The following EPHB1 variants were observed in gnomAD, a reference collection of about 807,000 sequenced individuals.
EPHB1 encodes ephrin type-B receptor 1.
In EPHB1, 30 loss-of-function variants were observed where a neutral mutation model predicts 94.4. The observed-to-expected ratio is 0.32, with a 90% CI of 0.24 to 0.43. The LOEUF (loss-of-function observed/expected upper bound fraction) is 0.43, where lower values mean the gene tolerates loss of function less well. EPHB1 is among the 20% of genes least tolerant of loss of function. The probability of loss-of-function intolerance (pLI) is 1.00; values close to 1 mark genes in which losing one functional copy is unlikely to be tolerated. For synonymous variants in EPHB1, 522 were observed against 489.1 expected, an observed-to-expected ratio of 1.07 and a Z score of -0.89; for missense variants, 1,055 against 1,308.3, an observed-to-expected ratio of 0.81 and a Z score of 2.99.
chr3:135,190,668 GA>G (rs1266731494), intron 10 of EPHB1, among the ~76,000 whole-genome samples: 3 of 152,138 alleles, frequency 2.0e-5, no homozygotes, highest in Non-Finnish European at 4.4e-5. Context: ...TTTGTCTATA[GA>G]AGATGATGCT....
intron 1 of EPHB1, among the ~76,000 whole-genome samples, chr3:134,804,949 T>A (rs891674364): frequency 6.6e-6 from 1 of 152,252 alleles, no homozygotes; most frequent in African/African-American, 2.4e-5. Flanking sequence ...GGTGGCTTCA[T>A]TGACGGTGGC....
intron 2 of EPHB1, among the ~76,000 whole-genome samples, chr3:134,950,105 G>A (rs1181605469): frequency 1.3e-5 from 2 of 152,182 alleles, no homozygotes; most frequent in Admixed American, 6.5e-5. Context: ...CTTTTCATCT[G>A]TAAATTGGGG....
intron 3 of EPHB1, among the ~76,000 whole-genome samples, chr3:134,990,386 C>CT (rs1934754050): frequency 6.6e-6 from 1 of 152,068 alleles, no homozygotes; most frequent in Non-Finnish European, 1.5e-5. Flanking sequence ...CTCTGAATAT[C>CT]TTTTTTGTTT....
chr3:134,834,868 C>T (rs752501169), intron 1 of EPHB1, among the ~76,000 whole-genome samples: 79 of 152,168 alleles, frequency 5.2e-4, no homozygotes, highest in Non-Finnish European at 9.1e-4. Context: ...AGTGTCAGAC[C>T]TTGACAGAGA....
intron 3 of EPHB1, among the ~76,000 whole-genome samples, chr3:135,060,986 T>A (rs953886159): frequency 3.9e-5 from 6 of 152,116 alleles, no homozygotes; most frequent in Non-Finnish European, 8.8e-5. Flanking sequence ...TTCTACTCTC[T>A]TTGTCCATGA....
intron 1 of EPHB1, 109 bp from the exon 2 acceptor site, chr3:134,925,707 A>G (rs530760221): frequency 6.9e-5 from 59 of 861,024 alleles, no homozygotes; most frequent in Non-Finnish European, 9.4e-5. Context: ...ACCTCCTTGT[A>G]GTACTGTCAT....
At chr3:135,245,696 C>T (rs1039289713) in intron 13 of EPHB1, among the ~76,000 whole-genome samples, 5 of 150,484 alleles carry the variant, frequency 3.3e-5, no homozygotes, top group African/African-American at 1.2e-4. Context: ...GTCCCAGCTA[C>T]TCGGGAGGCT....
At chr3:135,159,934 C>T (rs1247174492) in intron 6 of EPHB1, among the ~76,000 whole-genome samples, 1 of 152,234 alleles carries the variant, frequency 6.6e-6, no homozygotes, top group African/African-American at 2.4e-5. Flanking sequence ...TCACTCTCCA[C>T]ATTCATCCAT....
At chr3:135,167,077 C>G (rs1227973101) in intron 9 of EPHB1, 71 bp downstream of exon 9, 1 of 1,560,152 alleles carries the variant, frequency 6.4e-7, no homozygotes, top group African/African-American at 1.4e-5. Flanking sequence ...GTGCTCAGAG[C>G]TCTCTTTATA....
At chr3:134,865,109 A>AGT (rs1270352108) in intron 1 of EPHB1, among the ~76,000 whole-genome samples, 3 of 151,772 alleles carry the variant, frequency 2.0e-5, no homozygotes, top group South Asian at 2.1e-4. Flanking sequence ...TGAGAGAGAG[A>AGT]GTGTGTGTGT....
intron 12 of EPHB1, among the ~76,000 whole-genome samples, chr3:135,217,339 T>C (rs1559878671): frequency 2.0e-5 from 3 of 151,014 alleles, no homozygotes; most frequent in Non-Finnish European, 4.4e-5. Context: ...GGGTAGAAAA[T>C]GGTTAGGGTT....
intron 3 of EPHB1, among the ~76,000 whole-genome samples, chr3:135,070,369 C>A (rs1438244972): frequency 6.6e-6 from 1 of 152,156 alleles, no homozygotes; most frequent in Non-Finnish European, 1.5e-5. Context: ...TCTGTGAAAC[C>A]CTAGAGTTTA....
chr3:134,886,197 G>A (rs1389800412), intron 1 of EPHB1, among the ~76,000 whole-genome samples: 1 of 152,160 alleles, frequency 6.6e-6, no homozygotes, highest in African/African-American at 2.4e-5. Flanking sequence ...AAGAACAGAA[G>A]GCATGCTTGT....
chr3:135,042,588 C>T (rs1936886903), intron 3 of EPHB1, among the ~76,000 whole-genome samples: 1 of 152,184 alleles, frequency 6.6e-6, no homozygotes, highest in African/African-American at 2.4e-5. Context: ...GGCTGCCCCT[C>T]CTGCAGTGCT....
chr3:135,143,161 G>A (rs1278768876), intron 5 of EPHB1, among the ~76,000 whole-genome samples: 1 of 151,754 alleles, frequency 6.6e-6, no homozygotes, highest in East Asian at 1.9e-4. Context: ...GTAAGTGGAG[G>A]GCCCAGGGTG....
rs181783322 is a variant in EPHB1 at position 135,011,497 on chromosome 3, G to A, written c.805+59445G>A. Among the ~76,000 whole-genome samples the A allele has an allele frequency of 2.9e-4, 44 of 152,282 alleles. 1 individual carries two copies. Among genetic ancestry groups the A allele is most frequent in the Admixed American group, 3.9e-4 (6 of 15,292 alleles). ...CTCCTCTCCAGAGTATGAATGAAGC[G>A]CGTGTCGTGGGATGCCCAGGAGTGT... On this transcript the variant is annotated intron_variant, in intron 3 of 15. Transcript: ENST00000398015.
intron 1 of EPHB1, among the ~76,000 whole-genome samples, chr3:134,895,474 A>C (rs1048509334): frequency 6.6e-6 from 1 of 152,200 alleles, no homozygotes; most frequent in Non-Finnish European, 1.5e-5. Context: ...CATCTCTGTT[A>C]CCAATGCATT....
At chr3:134,822,902 G>T (rs527579165) in intron 1 of EPHB1, among the ~76,000 whole-genome samples, 5 of 152,274 alleles carry the variant, frequency 3.3e-5, no homozygotes, top group Admixed American at 1.3e-4. Context: ...ATCAGGTGTG[G>T]GTGACTGGCA....
chr3:135,184,381 T>C (rs1942273772), intron 10 of EPHB1, among the ~76,000 whole-genome samples: 1 of 152,184 alleles, frequency 6.6e-6, no homozygotes, highest in Non-Finnish European at 1.5e-5. Context: ...AATAAAAATA[T>C]AATAATTGTG....
Sources: gnomAD v4.1 joint callset for allele counts (sites outside exome capture counted in the v4.1 genomes callset) on GRCh38, gnomAD v4.1.1 for gene constraint, MANE v1.5 for transcripts, NCBI Gene and HGNC (gene_info 2026-07-23, HGNC 2026-07-21) for gene names.